Variants in HEPHL1 observed in about 807,000 individuals in gnomAD.
The protein encoded by HEPHL1 is ferroxidase HEPHL1.
In HEPHL1, 123 loss-of-function variants were observed where a neutral mutation model predicts 122.0. The observed-to-expected ratio is 1.01, with a 90% CI of 0.87 to 1.17. The LOEUF (loss-of-function observed/expected upper bound fraction) is 1.17, where lower values mean the gene tolerates loss of function less well. Ranked by LOEUF, HEPHL1 falls within the 50% of genes most tolerant of loss-of-function variation. HEPHL1 has a pLI of 0.00. For missense variants in HEPHL1, 1,452 were observed against 1,430.5 expected (o/e 1.01, Z -0.24); for synonymous variants, 527 against 508.9 (o/e 1.04, Z -0.48).
chr11:94,089,404 G>A (rs1946246168), intron 12 of HEPHL1, among the ~76,000 whole-genome samples: 1 of 152,196 alleles, frequency 6.6e-6, no homozygotes, highest in Non-Finnish European at 1.5e-5. Flanking sequence ...CTAAGTGGGG[G>A]ACCACCAAGG....
intron 1 of HEPHL1, among the ~76,000 whole-genome samples, chr11:94,030,882 C>G (rs1042318174): frequency 6.6e-6 from 1 of 152,096 alleles, no homozygotes; most frequent in African/African-American, 2.4e-5. Flanking sequence ...CCAGAATGTT[C>G]ATACACAGTC....
chr11:94,034,982 G>A (rs544292153), intron 1 of HEPHL1, among the ~76,000 whole-genome samples: 175 of 152,332 alleles, frequency 1.1e-3, no homozygotes, highest in African/African-American at 4.1e-3. Context: ...CCTAGACACA[G>A]ATCTGGTCAA....
intron 2 of HEPHL1, among the ~76,000 whole-genome samples, chr11:94,050,565 G>A (rs372185894): frequency 6.6e-6 from 1 of 151,788 alleles, no homozygotes; most frequent in Non-Finnish European, 1.5e-5. Context: ...ATGTTTATGG[G>A]TTGCATGAGA....
At chr11:94,045,071 T>A (rs1945821797) in intron 1 of HEPHL1, among the ~76,000 whole-genome samples, 1 of 152,160 alleles carries the variant, frequency 6.6e-6, no homozygotes, top group Non-Finnish European at 1.5e-5. Flanking sequence ...CATGCTCGGC[T>A]TTTTTGTTTG....
Position 94,070,478 on chromosome 11 carries a change from C to A in HEPHL1, c.1168C>A (p.Leu390Ile), listed in dbSNP as rs773360144. The A allele has an allele frequency of 4.3e-6, 7 of 1,610,844 alleles. No homozygotes were observed. The East Asian group carries it at 1.3e-4, about 31-fold the overall frequency. Residue 390 changes from leucine to isoleucine, a missense_variant, in exon 6 of 20, where the codon CTT becomes ATT. Coordinates refer to ENST00000315765, the MANE Select transcript of HEPHL1 (RefSeq NM_001098672.2). ...CTACTTTATAGCAGCTGAAAAAATT[C>A]TTTGGGATTATGCTCCTCAAGGCTA... Reference protein sequence around the residue: ...RRYFIAAEKILWDYAPQGYNK... With the variant: ...RRYFIAAEKIIWDYAPQGYNK...
chr11:94,086,338 A>G, intron 11 of HEPHL1, 149 bp downstream of exon 11: 1 of 648,894 alleles, frequency 1.5e-6, no homozygotes, highest in Non-Finnish European at 2.7e-6. Flanking sequence ...GAGAATCCTG[A>G]CTTATTAGTC....
intron 16 of HEPHL1, 48 bp from the exon 17 acceptor site, chr11:94,105,943 G>A: frequency 7.6e-7 from 1 of 1,320,428 alleles, no homozygotes; most frequent in Non-Finnish European, 1.0e-6. Context: ...TAAAAAATCA[G>A]CTTATCTTTT....
intron 8 of HEPHL1, among the ~76,000 whole-genome samples, chr11:94,073,737 A>G (rs1325474747): frequency 1.3e-5 from 2 of 152,098 alleles, no homozygotes; most frequent in African/African-American, 4.8e-5. Context: ...AAAGTAAGCT[A>G]CTTTCACAGT....
intron 2 of HEPHL1, among the ~76,000 whole-genome samples, chr11:94,051,703 A>C (rs182544774): frequency 1.8e-4 from 27 of 152,218 alleles, no homozygotes; most frequent in Non-Finnish European, 3.2e-4. Flanking sequence ...TTACTCAAGA[A>C]ATCTTTGCCC....
At chr11:94,094,470 T>G (rs1946293413) in intron 13 of HEPHL1, among the ~76,000 whole-genome samples, 1 of 152,216 alleles carries the variant, frequency 6.6e-6, no homozygotes, top group Non-Finnish European at 1.5e-5. Flanking sequence ...CATGTGCATG[T>G]GTCTTTATAG....
rs1200940660 is a variant in HEPHL1 at position 94,111,558 on chromosome 11, C to T, written c.3230C>T (p.Thr1077Ile). The T allele has an allele frequency of 1.2e-6, 2 of 1,604,400 alleles. No individual in the cohort carries two copies. The highest frequency in any genetic ancestry group is 8.5e-7 in the Non-Finnish European group (1 of 1,175,062). Residue 1077 changes from threonine to isoleucine, a missense_variant, in exon 19 of 20, where the codon ACC becomes ATC. Thr to Ile is a moderately conservative substitution (Grantham distance 89, BLOSUM62 -1). Coordinates refer to ENST00000315765, the MANE Select transcript of HEPHL1 (RefSeq NM_001098672.2). ...RNIDNRIPYSTTSPGVASHPA... is the reference protein window; with the variant it reads ...RNIDNRIPYSITSPGVASHPA... ...GCAGACAACAGGATTCCTTACTCCA[C>T]CACATCTCCTGGAGTGGCATCTCAC...
At chr11:94,086,233 C>T (rs1254890126) in intron 11 of HEPHL1, 44 bp downstream of exon 11, 3 of 1,422,666 alleles carry the variant, frequency 2.1e-6, no homozygotes, top group Non-Finnish European at 2.9e-6. Context: ...TTTCTACCTT[C>T]AGGCTCATCC....
In HEPHL1 at chr11:94,023,139, G is replaced by A. The variant is rs188116886; in HGVS notation, c.170+1601G>A. On this transcript the variant is annotated intron_variant, in intron 1 of 19. Transcript: ENST00000315765. ...AAGGCTCTGAGGTTAAATACTTGCC[G>A]GAGTTTATAAGTAAGTGGTAGCACC... Among the ~76,000 whole-genome samples, 225 of 152,208 alleles carry A rather than the reference G, an allele frequency of 1.5e-3. 2 individuals carry two copies. The highest frequency in any genetic ancestry group is 4.7e-3 in the African/African-American group (194 of 41,544).
Position 94,104,761 on chromosome 11 carries a change from A to C in HEPHL1, c.2905+11A>C, listed in dbSNP as rs780810716. 1 of 1,587,664 alleles carries C rather than the reference A, an allele frequency of 6.3e-7. No homozygotes were observed. The highest frequency in any genetic ancestry group is 1.1e-5 in the South Asian group (1 of 89,500). ...GCAACAGAATGCATGGTATATCCAA[A>C]GTTTAAAAAGAAGCCTATGTTGAGA... On this transcript the variant is annotated intron_variant, in intron 16 of 19. Transcript: ENST00000315765.
chr11:94,047,100 G>A (rs1945846508), intron 2 of HEPHL1, among the ~76,000 whole-genome samples: 1 of 152,188 alleles, frequency 6.6e-6, no homozygotes, highest in African/African-American at 2.4e-5. Flanking sequence ...TCCTCCACCT[G>A]GAGTGCAGCC....
chr11:94,097,188 A>G (rs993276215), intron 13 of HEPHL1, among the ~76,000 whole-genome samples: 7 of 152,098 alleles, frequency 4.6e-5, no homozygotes, highest in Non-Finnish European at 1.0e-4. Context: ...ACACTGCTTT[A>G]AATGTGTCCC....
chr11:94,088,794 C>A lies in HEPHL1; in HGVS notation c.2120C>A (p.Ser707Ter). The change falls in exon 12 of 20, where the codon TCG becomes TAG. Residue 707 changes from serine (S) to a stop codon, truncating the protein, a stop_gained. Transcript: ENST00000315765. LOFTEE classifies it high-confidence loss of function. The stretch of plus-strand genomic sequence containing the variant: ...TTTTGTGCCACCATGCCCCACCTCT[C>A]GAGAGGCATGGGTCAGATCTATGAG... Reference protein sequence around the residue: ...RVFCATMPHLSRGMGQIYEVS... With the variant: ...RVFCATMPHL 6.2e-7 allele frequency: 1 copy of A among 1,613,942 alleles called. No homozygotes were observed. The highest frequency in any genetic ancestry group is 8.5e-7 in the Non-Finnish European group (1 of 1,179,864).
At chr11:94,082,216 C>A (rs1222283521) in intron 9 of HEPHL1, among the ~76,000 whole-genome samples, 2 of 152,196 alleles carry the variant, frequency 1.3e-5, no homozygotes, top group African/African-American at 4.8e-5. Flanking sequence ...ACGGATGTAA[C>A]AAGAAAGACA....
intron 5 of HEPHL1, among the ~76,000 whole-genome samples, chr11:94,069,173 G>A (rs1946056042): frequency 1.3e-5 from 2 of 152,178 alleles, no homozygotes; most frequent in Admixed American, 1.3e-4. Flanking sequence ...AAATTAGCCC[G>A]ATAGTTGTGG....
Sources: gnomAD v4.1 joint callset for allele counts (sites outside exome capture counted in the v4.1 genomes callset) on GRCh38, gnomAD v4.1.1 for gene constraint, MANE v1.5 for transcripts, NCBI Gene and HGNC (gene_info 2026-07-23, HGNC 2026-07-21) for gene names.